CYP4B1: variants seen among roughly 807,000 people sequenced by gnomAD.
CYP4B1 encodes the protein cytochrome P450 family 4 subfamily B member 1, also known as cytochrome P450 4B1.
In CYP4B1, 45 loss-of-function variants were observed where a neutral mutation model predicts 54.0. The observed-to-expected ratio is 0.83, with a 90% CI of 0.66 to 1.07. The LOEUF (loss-of-function observed/expected upper bound fraction) is 1.07. CYP4B1 is among the 50% of genes least tolerant of loss of function. CYP4B1 has a pLI of 0.00. For missense variants in CYP4B1, 656 were observed against 655.4 expected, an observed-to-expected ratio of 1.00 and a Z score of -0.01; for synonymous variants, 248 against 247.5, an observed-to-expected ratio of 1.00 and a Z score of -0.02.
intron 1 of CYP4B1, 149 bp from the exon 2 acceptor site, chr1:46,810,659 A>C: frequency 1.4e-6 from 1 of 737,848 alleles, no homozygotes; most frequent in South Asian, 1.8e-5. Context: ...GACTAAGCCC[A>C]GGGATGTTTA....
At chr1:46,817,294 CAGAGAGCCCTGGGTCTAAAT>C (rs1459864942) in intron 9 of CYP4B1, 113 bp downstream of exon 9, 19 of 1,311,224 alleles carry the variant, frequency 1.4e-5, no homozygotes, top group Non-Finnish European at 2.0e-5. Flanking sequence ...GCTTTGCGTT[CAGAGAGCCCTGGGTCTAAAT>C]CCCAGCCCCA....
At chr1:46,812,401 T>C in intron 3 of CYP4B1, 95 bp from the exon 4 acceptor site, 1 of 1,448,554 alleles carries the variant, frequency 6.9e-7, no homozygotes. Context: ...CCTTGGAGGG[T>C]TCCAGGCTCA....
intron 8 of CYP4B1, among the ~76,000 whole-genome samples, chr1:46,816,066 C>T (rs1020302774): frequency 6.6e-6 from 1 of 152,180 alleles, no homozygotes; most frequent in African/African-American, 2.4e-5. Flanking sequence ...GAGTATGAAG[C>T]CTCCATTACC....
At chr1:46,801,963 T>A (rs1475365980) in intron 1 of CYP4B1, among the ~76,000 whole-genome samples, 1 of 152,188 alleles carries the variant, frequency 6.6e-6, no homozygotes, top group African/African-American at 2.4e-5. Flanking sequence ...GATTAATTTC[T>A]CCTTCTTGGT....
At chr1:46,811,049 G>A (rs560413506) in intron 2 of CYP4B1, 91 bp from the exon 3 acceptor site, 5 of 1,603,214 alleles carry the variant, frequency 3.1e-6, no homozygotes, top group East Asian at 2.2e-5. Context: ...TGTGTACTAA[G>A]TCTGCGGAGC....
intron 1 of CYP4B1, among the ~76,000 whole-genome samples, chr1:46,804,000 G>T (rs997276218): frequency 6.6e-6 from 1 of 152,164 alleles, no homozygotes; most frequent in Admixed American, 6.5e-5. Context: ...AGTTCCGGGG[G>T]TTGATTATGA....
chr1:46,810,889 T>C lies in CYP4B1; in HGVS notation c.262T>C (p.Phe88Leu), dbSNP rs771679726. The change falls in exon 2 of 12, where the codon TTC becomes CTC. Residue 88 changes from phenylalanine to leucine, a missense_variant. Coordinates refer to ENST00000371923, the MANE Select transcript of CYP4B1 (RefSeq NM_001099772.2). ...PYAHPLWFGQ[F>L]IGFLNIYEPD... ...TGCCCACCCACTCTGGTTCGGACAG[T>C]TCATTGGCTTCCTGAACATCTATGA... 1.9e-6 allele frequency: 3 copies of C among 1,613,972 alleles called. No homozygotes were observed. Among genetic ancestry groups the C allele is most frequent in the Admixed American group, 3.3e-5 (2 of 60,004 alleles).
In CYP4B1 at chr1:46,810,916, C is replaced by T. The variant is rs764145436; in HGVS notation, c.289C>T (p.Pro97Ser). 3 of 1,614,094 alleles carry T rather than the reference C, an allele frequency of 1.9e-6. No homozygotes were observed. Among genetic ancestry groups the T allele is most frequent in the Non-Finnish European group, 2.5e-6 (3 of 1,180,026 alleles). ...CATTGGCTTCCTGAACATCTATGAG[C>T]CTGACTATGCCAAAGCTGTGTACAG... ...QFIGFLNIYE[P>S]DYAKAVYSRG... The change falls in exon 2 of 12, where the codon CCT becomes TCT. Residue 97 changes from proline (P) to serine (S), a missense_variant. Coordinates refer to ENST00000371923, the MANE Select transcript of CYP4B1 (RefSeq NM_001099772.2).
chr1:46,817,994 C>T lies in CYP4B1; in HGVS notation c.1237C>T (p.Leu413Phe). ...GSLISMHIYA[L>F]HRNSAVWPDP... ...CCTGATCTCTATGCATATCTATGCCCTCCATAGGAACAGTGCTGTATGGCC... is the reference window on the plus strand; with the variant it reads ...CCTGATCTCTATGCATATCTATGCCTTCCATAGGAACAGTGCTGTATGGCC... The change falls in exon 10 of 12, where the codon CTC becomes TTC. Residue 413 changes from leucine (L) to phenylalanine (F), a missense_variant. Physicochemically the swap from Leu to Phe is conservative, Grantham distance 22. Coordinates refer to ENST00000371923, the MANE Select transcript of CYP4B1 (RefSeq NM_001099772.2). The T allele has an allele frequency of 6.2e-7, 1 of 1,614,184 alleles. No homozygotes were observed. The highest frequency in any genetic ancestry group is 8.5e-7 in the Non-Finnish European group (1 of 1,180,012).
chr1:46,802,330 G>A (rs1309326172), intron 1 of CYP4B1, among the ~76,000 whole-genome samples: 7 of 152,152 alleles, frequency 4.6e-5, no homozygotes, highest in African/African-American at 7.2e-5. Context: ...ACAGGGCTGT[G>A]GCTCATTTTC....
intron 8 of CYP4B1, among the ~76,000 whole-genome samples, chr1:46,815,865 AC>A (rs1230043372): frequency 6.6e-6 from 1 of 152,016 alleles, no homozygotes; most frequent in Non-Finnish European, 1.5e-5. Flanking sequence ...AGGCTCCTTC[AC>A]CCTTGCTGGC....
chr1:46,800,222 TC>T (rs1306563548), intron 1 of CYP4B1, among the ~76,000 whole-genome samples: 202 of 11,312 alleles, frequency 0.018, 21 homozygotes, highest in Middle Eastern at 0.1. Flanking sequence ...TTTCTCTTTC[TC>T]TCTTTCTTTC....
chr1:46,818,818 T>A lies in CYP4B1; in HGVS notation c.*4T>A, dbSNP rs1030907236. The stretch of plus-strand genomic sequence containing the variant: ...GGGCCCTGGGTCTGGGAAGTAGCTC[T>A]GATGAGAATGGGGTCCCAGATGGCT... On this transcript the variant is annotated 3_prime_UTR_variant, in exon 12 of 12. Transcript: ENST00000371923. The A allele has an allele frequency of 6.2e-7, 1 of 1,613,966 alleles. No individual in the cohort carries two copies. The highest frequency in any genetic ancestry group is 8.5e-7 in the Non-Finnish European group (1 of 1,179,918).
At chr1:46,815,511 C>T (rs4646492) in intron 8 of CYP4B1, 41,112 of 365,044 alleles carry the variant, frequency 0.11, 2,644 homozygotes, top group South Asian at 0.2. Context: ...CAACAAGAGG[C>T]TGATATTTTG....
In CYP4B1 at chr1:46,813,535, T is replaced by G. The variant is rs762179232; in HGVS notation, c.549T>G (p.Asp183Glu). The part of the protein sequence containing the change: ...REGKSFDIFC[D>E]VGHMALNTLM... The stretch of plus-strand genomic sequence containing the variant: ...GTAAGTCCTTTGACATCTTCTGCGA[T>G]GTGGGTCACATGGCGCTGAACACAC... The change falls in exon 5 of 12, where the codon GAT becomes GAG. Residue 183 changes from aspartate to glutamate, a missense_variant. By Grantham distance (45) the Asp-to-Glu change is conservative (BLOSUM62 2). Transcript: ENST00000371923. The G allele has an allele frequency of 6.2e-7, 1 of 1,614,236 alleles. No individual in the cohort carries two copies. Among genetic ancestry groups the G allele is most frequent in the South Asian group, 1.1e-5 (1 of 91,088 alleles).
chr1:46,804,864 C>A (rs1678795674), intron 1 of CYP4B1, among the ~76,000 whole-genome samples: 1 of 152,216 alleles, frequency 6.6e-6, no homozygotes, highest in South Asian at 2.1e-4. Context: ...GAAATGTCAC[C>A]TTAGAGTGGC....
At chr1:46,813,342 G>T in intron 4 of CYP4B1, 140 bp from the exon 5 acceptor site, 1 of 984,370 alleles carries the variant, frequency 1.0e-6, no homozygotes, top group Non-Finnish European at 1.5e-6. Context: ...AGGATGGAGG[G>T]CAGGACAGGG....
chr1:46,813,051 T>C (rs1299920228), intron 4 of CYP4B1, among the ~76,000 whole-genome samples: 1 of 152,226 alleles, frequency 6.6e-6, no homozygotes, highest in Non-Finnish European at 1.5e-5. Flanking sequence ...AACTCATCTC[T>C]AAGAGGGATG....
In CYP4B1 at chr1:46,811,183, T is replaced by C; in HGVS notation, c.366T>C (p.Ile122=). The change falls in exon 3 of 12, where the codon ATT becomes ATC. Residue 122 remains isoleucine (I), a splice_region_variant and synonymous_variant. Coordinates refer to ENST00000371923, the MANE Select transcript of CYP4B1 (RefSeq NM_001099772.2). ...PDVYDFFLQW[I]GRGLLVLEGP... Reference sequence around the variant, plus strand: ...TGTATGACTTCTTCCTCCAGTGGATTGGTGAGTGAGCACCTGCCTTCCCTG... The same window carrying C: ...TGTATGACTTCTTCCTCCAGTGGATCGGTGAGTGAGCACCTGCCTTCCCTG... 6.2e-7 allele frequency: 1 copy of C among 1,614,088 alleles called. No homozygotes were observed.
Sources: allele counts gnomAD v4.1 joint callset (sites outside exome capture counted in the v4.1 genomes callset), GRCh38; gene constraint gnomAD v4.1.1; transcripts MANE v1.5; gene names NCBI Gene and HGNC (gene_info 2026-07-23, HGNC 2026-07-21).